Variants in ALDH4A1 observed in about 807,000 individuals in gnomAD.
ALDH4A1 encodes aldehyde dehydrogenase 4 family member A1.
ALDH4A1 carries 46 observed loss-of-function variants against 70.5 expected under a neutral mutation model. The ratio of observed to expected loss-of-function variants is 0.65; its 90% CI spans 0.51 to 0.83. The LOEUF (loss-of-function observed/expected upper bound fraction) is 0.83, where lower values mean the gene tolerates loss of function less well. Ranked by LOEUF, ALDH4A1 falls within the 40% of genes least tolerant of loss-of-function variation. The pLI, the probability that ALDH4A1 is intolerant of heterozygous loss-of-function variation, is 0.00. For synonymous variants in ALDH4A1, 323 were observed against 324.3 expected (o/e 1.00, Z 0.04); for missense variants, 749 against 766.5 (o/e 0.98, Z 0.27).
chr1:18,895,502 A>G (rs1935587257), intron 1 of ALDH4A1, among the ~76,000 whole-genome samples: 1 of 152,240 alleles, frequency 6.6e-6, no homozygotes, highest in African/African-American at 2.4e-5. Flanking sequence ...CATGAAGGCC[A>G]TGCACCATTT....
chr1:18,895,369 G>A (rs941678110), intron 1 of ALDH4A1, among the ~76,000 whole-genome samples: 38 of 152,078 alleles, frequency 2.5e-4, no homozygotes, highest in South Asian at 1.2e-3. Context: ...GCCATGCACC[G>A]TTTCACCTCC....
chr1:18,887,376 G>T (rs1935246920), intron 3 of ALDH4A1, among the ~76,000 whole-genome samples: 1 of 152,236 alleles, frequency 6.6e-6, no homozygotes, highest in African/African-American at 2.4e-5. Context: ...AAGGCGGGCG[G>T]ATCACAAGGT....
intron 9 of ALDH4A1, among the ~76,000 whole-genome samples, chr1:18,878,515 C>G (rs1414746902): frequency 6.6e-6 from 1 of 152,166 alleles, no homozygotes; most frequent in Non-Finnish European, 1.5e-5. Flanking sequence ...TGCTGGACCA[C>G]CGGTCCCAGC....
At chr1:18,893,866 C>T (rs539391373) in intron 1 of ALDH4A1, among the ~76,000 whole-genome samples, 53 of 152,256 alleles carry the variant, frequency 3.5e-4, no homozygotes, top group African/African-American at 1.2e-3. Flanking sequence ...CTCTTTCCTC[C>T]GCACCTTAAA....
intron 1 of ALDH4A1, among the ~76,000 whole-genome samples, chr1:18,899,615 C>T (rs757155508): frequency 3.3e-5 from 5 of 152,362 alleles, no homozygotes; most frequent in Non-Finnish European, 7.3e-5. Context: ...CTCAAGGCCT[C>T]GGACAAGTTT....
rs200559528 is a variant in ALDH4A1, at chr1:18,874,983, G to A, written c.1460+399C>T. Among the ~76,000 whole-genome samples the A allele has an allele frequency of 4.5e-4, 68 of 152,376 alleles. 3 individuals are homozygous for A. The East Asian group carries it at 6.8e-3, about 15-fold the overall frequency. On this transcript the variant is annotated intron_variant, in intron 13 of 14. Coordinates refer to ENST00000375341, the MANE Select transcript of ALDH4A1 (RefSeq NM_003748.4). ...CAGTGCCACGGAGGAAAGAAGAGGC[G>A]AAGCCTCAAGTTTAGCCTCATGTGA...
chr1:18,897,138 A>G lies in ALDH4A1; in HGVS notation c.62+5324T>C, dbSNP rs745956871. 169 of 514,194 alleles carry G rather than the reference A, an allele frequency of 3.3e-4. 1 individual carries two copies. Among genetic ancestry groups the G allele is most frequent in the South Asian group, 1.7e-3 (120 of 69,266 alleles). The allele number at this position is 514,194 out of a possible 1,614,324, so 31.9% of individuals were successfully genotyped here. A position where few individuals can be genotyped will look rare whatever the true frequency, so the allele number is the denominator to read the frequency against. On this transcript the variant is annotated intron_variant, in intron 1 of 14. Transcript: ENST00000375341. Reference sequence around the variant, plus strand: ...AAAATCTGAAACTTTTTGAGTGTCAACGTGACGCTCAAAGGAAATGCTCAT... The same window carrying G: ...AAAATCTGAAACTTTTTGAGTGTCAGCGTGACGCTCAAAGGAAATGCTCAT...
chr1:18,882,719 C>T (rs1395378176), intron 7 of ALDH4A1: 2 of 562,462 alleles, frequency 3.6e-6, no homozygotes, highest in Non-Finnish European at 7.1e-6. Context: ...TGCTTGACAG[C>T]AGCAGGCACG....
intron 12 of ALDH4A1, 98 bp downstream of exon 12, chr1:18,876,217 A>G (rs1448952493): frequency 2.5e-5 from 38 of 1,498,948 alleles, no homozygotes; most frequent in Non-Finnish European, 3.3e-5. Flanking sequence ...TTAGGGCCTC[A>G]TCTGTGAAAT....
intron 3 of ALDH4A1, among the ~76,000 whole-genome samples, chr1:18,887,550 G>T (rs1340875994): frequency 6.6e-6 from 1 of 152,084 alleles, no homozygotes; most frequent in Non-Finnish European, 1.5e-5. Flanking sequence ...AGTGAGCCGA[G>T]ATCGCACCAC....
intron 2 of ALDH4A1, 59 bp downstream of exon 2, chr1:18,889,953 T>C: frequency 7.1e-7 from 1 of 1,399,000 alleles, no homozygotes; most frequent in Non-Finnish European, 9.9e-7. Flanking sequence ...TCAGGGCTGC[T>C]GGGGATGGCC....
chr1:18,876,491 G>T (rs774586159), intron 11 of ALDH4A1, 24 bp from the exon 12 acceptor site: 2 of 1,562,018 alleles, frequency 1.3e-6, no homozygotes, highest in Middle Eastern at 2.0e-4. Context: ...GGAGGAGGGA[G>T]GTCTAAGAGG....
At chr1:18,878,376 A>C (rs1934815914) in intron 9 of ALDH4A1, among the ~76,000 whole-genome samples, 1 of 152,116 alleles carries the variant, frequency 6.6e-6, no homozygotes, top group Admixed American at 6.5e-5. Flanking sequence ...GGAGGCTCTG[A>C]GAGCAGAAAG....
At chr1:18,896,801 A>G (rs1388759241) in intron 1 of ALDH4A1, among the ~76,000 whole-genome samples, 1 of 151,958 alleles carries the variant, frequency 6.6e-6, no homozygotes, top group Non-Finnish European at 1.5e-5. Flanking sequence ...GCTGAGGAAG[A>G]GGAATTGCTT....
chr1:18,878,651 G>A (rs924164791), intron 9 of ALDH4A1, among the ~76,000 whole-genome samples: 3 of 152,194 alleles, frequency 2.0e-5, no homozygotes, highest in South Asian at 2.1e-4. Context: ...GGCCCAATGC[G>A]TGTGGGAAAC....
rs1157061914 is a variant in ALDH4A1 at position 18,880,292 on chromosome 1, C to G, written c.867-919G>C. Among the ~76,000 whole-genome samples the G allele has an allele frequency of 1.3e-5, 2 of 152,162 alleles. No individual in the cohort carries two copies. On this transcript the variant is annotated intron_variant, in intron 8 of 14. Coordinates refer to ENST00000375341, the MANE Select transcript of ALDH4A1 (RefSeq NM_003748.4). The surrounding 1 kb of genome is among the most constrained non-coding windows in gnomAD (Gnocchi z 5.1). Reference sequence around the variant, plus strand: ...CCAGGCATCTCCACCCAGATAACACCCGAAGTGACCAACAGGAGATTCATC... The same window carrying G: ...CCAGGCATCTCCACCCAGATAACACGCGAAGTGACCAACAGGAGATTCATC...
At chr1:18,878,584 A>T (rs1057423794) in intron 9 of ALDH4A1, among the ~76,000 whole-genome samples, 15 of 152,144 alleles carry the variant, frequency 9.9e-5, no homozygotes, top group African/African-American at 3.1e-4. Context: ...CACATTCCCA[A>T]AATGTGCTCC....
At chr1:18,875,596 C>T (rs1934647392) in intron 12 of ALDH4A1, 93 bp from the exon 13 acceptor site, 1 of 1,596,168 alleles carries the variant, frequency 6.3e-7, no homozygotes, top group South Asian at 1.1e-5. Flanking sequence ...CACCCTCTCC[C>T]CAGTCCCTGG....
Position 18,885,634 on chromosome 1 carries a change from G to A in ALDH4A1, c.298-6C>T. On this transcript the variant is annotated splice_polypyrimidine_tract_variant and splice_region_variant and intron_variant, in intron 4 of 14. Transcript: ENST00000375341. ...ATGGCTTTGTTGAGCAGGCTCTAAA[G>A]GGAGAGGGAGAGGTTGGGGACTGCC... The A allele has an allele frequency of 6.2e-7, 1 of 1,613,830 alleles. No individual in the cohort carries two copies. The highest frequency in any genetic ancestry group is 2.2e-5 in the East Asian group (1 of 44,876).
Sources: gnomAD v4.1 joint callset for allele counts (sites outside exome capture counted in the v4.1 genomes callset) on GRCh38, gnomAD v4.1.1 for gene constraint, Gnocchi (gnomAD v3.1) non-coding constraint, MANE v1.5 for transcripts, NCBI Gene and HGNC (gene_info 2026-07-23, HGNC 2026-07-21) for gene names.